Variants in ARB2A observed in about 807,000 individuals in gnomAD.
ARB2A encodes ARB2 cotranscriptional regulator A.
the ARB2A span, among the ~76,000 whole-genome samples, chr5:93,858,250 C>T: frequency 3.9e-5 from 6 of 152,180 alleles, no homozygotes; most frequent in African/African-American, 1.4e-4. Context: ...TGTCACATAG[C>T]CACTTCCTAC....
chr5:93,711,837 T>C, the ARB2A span, among the ~76,000 whole-genome samples: 1 of 152,226 alleles, frequency 6.6e-6, no homozygotes, highest in Non-Finnish European at 1.5e-5. Flanking sequence ...TGCCCAATCA[T>C]GTTATCCTCA....
chr5:94,078,680 G>T, the ARB2A span, among the ~76,000 whole-genome samples: 1 of 152,024 alleles, frequency 6.6e-6, no homozygotes, highest in African/African-American at 2.4e-5. Flanking sequence ...CCTGAGACTA[G>T]GAATACCAGG....
chr5:93,728,680 C>CT, the ARB2A span, among the ~76,000 whole-genome samples: 1 of 151,864 alleles, frequency 6.6e-6, no homozygotes, highest in East Asian at 1.9e-4. Flanking sequence ...TACACCAGTA[C>CT]TAAATTACAT....
At chr5:93,799,585 T>C in the ARB2A span, among the ~76,000 whole-genome samples, 1 of 152,134 alleles carries the variant, frequency 6.6e-6, no homozygotes, top group East Asian at 1.9e-4. Flanking sequence ...TGAAATTAAC[T>C]TTTTATAGCC....
chr5:94,012,005 A>G, the ARB2A span, among the ~76,000 whole-genome samples: 1 of 151,840 alleles, frequency 6.6e-6, no homozygotes, highest in Non-Finnish European at 1.5e-5. Flanking sequence ...AGGTAAAGGG[A>G]AAACCAGAGA....
the ARB2A span, chr5:93,741,091 A>G: frequency 6.2e-7 from 1 of 1,613,660 alleles, no homozygotes; most frequent in Non-Finnish European, 8.5e-7. Flanking sequence ...CTGGCTAAGC[A>G]CCTTCCCAAA....
the ARB2A span, among the ~76,000 whole-genome samples, chr5:94,066,428 A>G: frequency 2.2e-4 from 31 of 144,162 alleles, 1 homozygote; most frequent in Admixed American, 7.5e-4. Flanking sequence ...CTAAGCACAC[A>G]CACACACACA....
the ARB2A span, chr5:94,053,018 A>T: frequency 2.0e-6 from 1 of 488,218 alleles, no homozygotes; most frequent in Non-Finnish European, 3.5e-6. Flanking sequence ...AAAAGTAGCA[A>T]ATAATATCTG....
chr5:93,959,689 C>T, the ARB2A span, among the ~76,000 whole-genome samples: 1 of 152,118 alleles, frequency 6.6e-6, no homozygotes, highest in Non-Finnish European at 1.5e-5. Context: ...ACATTATGTA[C>T]TCCAATGAAC....
chr5:93,996,549 C>T, the ARB2A span, among the ~76,000 whole-genome samples: 3 of 152,078 alleles, frequency 2.0e-5, no homozygotes, highest in Non-Finnish European at 2.9e-5. Flanking sequence ...CTTGCATTGG[C>T]CCCTATAATA....
At chr5:93,776,505 C>T in the ARB2A span, among the ~76,000 whole-genome samples, 2 of 152,172 alleles carry the variant, frequency 1.3e-5, no homozygotes, top group Non-Finnish European at 2.9e-5. Context: ...GGGCAGGGCG[C>T]GGTAGCTCGC....
chr5:93,825,803 C>T, the ARB2A span, among the ~76,000 whole-genome samples: 1 of 151,714 alleles, frequency 6.6e-6, no homozygotes, highest in African/African-American at 2.4e-5. Context: ...AATGTATTTA[C>T]ATTCCCATAG....
At chr5:93,792,892 C>T in the ARB2A span, among the ~76,000 whole-genome samples, 1 of 151,782 alleles carries the variant, frequency 6.6e-6, no homozygotes, top group Non-Finnish European at 1.5e-5. Context: ...CACAGAGACC[C>T]TTCATATTCT....
the ARB2A span, chr5:93,861,119 A>C: frequency 4.6e-5 from 7 of 152,114 alleles, no homozygotes; most frequent in Non-Finnish European, 1.5e-5. Context: ...TATTCTTTTA[A>C]GTATTTCTTT....
chr5:94,092,051 T>A, the ARB2A span, among the ~76,000 whole-genome samples: 2 of 151,808 alleles, frequency 1.3e-5, no homozygotes, highest in Admixed American at 6.6e-5. Flanking sequence ...CCAAAGCACT[T>A]AGCATTACAA....
chr5:93,896,144 A>C, the ARB2A span, among the ~76,000 whole-genome samples: 2 of 152,112 alleles, frequency 1.3e-5, no homozygotes, highest in East Asian at 1.9e-4. Context: ...ACTAGAAAAG[A>C]CATAATTATG....
At chr5:93,961,391 T>C in the ARB2A span, among the ~76,000 whole-genome samples, 5 of 152,192 alleles carry the variant, frequency 3.3e-5, no homozygotes, top group African/African-American at 1.2e-4. Context: ...AGTAATCACT[T>C]AGAACTGAAA....
the ARB2A span, among the ~76,000 whole-genome samples, chr5:93,762,737 G>A: frequency 6.6e-6 from 1 of 152,150 alleles, no homozygotes; most frequent in South Asian, 2.1e-4. Flanking sequence ...GCAACTCCAA[G>A]ACACATAATT....
At chr5:93,976,891 A>G in the ARB2A span, among the ~76,000 whole-genome samples, 3 of 152,162 alleles carry the variant, frequency 2.0e-5, no homozygotes, top group Admixed American at 6.5e-5. Context: ...TAGACATGAT[A>G]AATGACTTCA....
Sources: allele counts gnomAD v4.1 joint callset (sites outside exome capture counted in the v4.1 genomes callset), GRCh38; gene constraint gnomAD v4.1.1; transcripts MANE v1.5; gene names NCBI Gene and HGNC (gene_info 2026-07-23, HGNC 2026-07-21).